The following HPRT1 variants were observed in gnomAD, a reference collection of about 807,000 sequenced individuals.
The protein encoded by HPRT1 is hypoxanthine-guanine phosphoribosyltransferase.
In HPRT1, 4 loss-of-function variants were observed where a neutral mutation model predicts 19.0. The observed-to-expected ratio is 0.21, with a 90% CI of 0.10 to 0.48. The LOEUF (loss-of-function observed/expected upper bound fraction) is 0.48, where lower values mean the gene tolerates loss of function less well. Ranked by LOEUF, HPRT1 falls within the 20% of genes least tolerant of loss-of-function variation. The pLI is 0.98. For synonymous variants in HPRT1, 53 were observed against 54.9 expected (o/e 0.97, Z 0.15); for missense variants, 65 against 164.0 (o/e 0.40, Z 3.30).
chrX:134,462,477 C>T (rs75613777), intron 1 of HPRT1, among the ~76,000 whole-genome samples: 4 of 111,444 alleles, frequency 3.6e-5, no homozygotes, highest in East Asian at 2.8e-4. Flanking sequence ...CCACTGCGCC[C>T]GGCCTAATAT....
At chrX:134,481,459 A>G (rs1249330118) in intron 3 of HPRT1, among the ~76,000 whole-genome samples, 1 of 110,331 alleles carries the variant, frequency 9.1e-6, no homozygotes, top group African/African-American at 3.3e-5. Context: ...ATCTGTCTCT[A>G]TTTCCATCTC....
chrX:134,468,411 G>C (rs1031505103), intron 1 of HPRT1, among the ~76,000 whole-genome samples: 1 of 106,890 alleles, frequency 9.4e-6, no homozygotes, highest in Non-Finnish European at 1.9e-5. Context: ...TCAGGAGATC[G>C]AGACCATCCT....
intron 3 of HPRT1, among the ~76,000 whole-genome samples, chrX:134,483,302 G>T (rs906146364): frequency 9.0e-6 from 1 of 111,562 alleles, no homozygotes; most frequent in Non-Finnish European, 1.9e-5. Context: ...ATACCATGCT[G>T]CAGTTCTTAT....
chrX:134,464,926 C>CT (rs1212014171), intron 1 of HPRT1, among the ~76,000 whole-genome samples: 6 of 103,086 alleles, frequency 5.8e-5, no homozygotes, highest in African/African-American at 7.0e-5. Flanking sequence ...CGAACATTGT[C>CT]TTTTTTTTTT....
At chrX:134,476,880 AC>A (rs2077626353) in intron 3 of HPRT1, among the ~76,000 whole-genome samples, 1 of 110,232 alleles carries the variant, frequency 9.1e-6, no homozygotes, top group Admixed American at 9.8e-5. Context: ...ATTAAGCTGA[AC>A]TCCTCAACTG....
intron 1 of HPRT1, 197 bp downstream of exon 1, chrX:134,460,535 G>A (rs1602734299): frequency 7.5e-6 from 2 of 265,516 alleles, no homozygotes; most frequent in Non-Finnish European, 1.3e-5. Flanking sequence ...CGGGGTTTGG[G>A]GTGGGTCCCT....
At chrX:134,494,803 G>A (rs1382889926) in intron 6 of HPRT1, among the ~76,000 whole-genome samples, 4 of 111,715 alleles carry the variant, frequency 3.6e-5, no homozygotes, top group Non-Finnish European at 7.5e-5. Context: ...GGTATATGCT[G>A]TGGAATTGAG....
At chrX:134,462,797 A>C (rs182058235) in intron 1 of HPRT1, among the ~76,000 whole-genome samples, 329 of 112,476 alleles carry the variant, frequency 2.9e-3, no homozygotes, top group African/African-American at 9.8e-3. Flanking sequence ...GCATGTTAGC[A>C]ATAACAAATG....
chrX:134,465,070 G>A (rs1221043257), intron 1 of HPRT1, among the ~76,000 whole-genome samples: 3 of 108,164 alleles, frequency 2.8e-5, no homozygotes, highest in South Asian at 4.0e-4. Context: ...ACAGGCGCCC[G>A]CCACCACGCC....
At chrX:134,484,067 G>C (rs2077646526) in intron 3 of HPRT1, among the ~76,000 whole-genome samples, 1 of 111,730 alleles carries the variant, frequency 9.0e-6, no homozygotes, top group Non-Finnish European at 1.9e-5. Context: ...TAGAACAGCA[G>C]TGTCTTACTG....
chrX:134,489,727 A>G (rs2077661802), intron 4 of HPRT1, among the ~76,000 whole-genome samples: 2 of 112,042 alleles, frequency 1.8e-5, no homozygotes, highest in Non-Finnish European at 3.8e-5. Flanking sequence ...CAGAAAATGC[A>G]GATCAAGTTT....
intron 4 of HPRT1, among the ~76,000 whole-genome samples, chrX:134,486,960 A>G (rs2077655534): frequency 9.0e-6 from 1 of 110,726 alleles, no homozygotes. Flanking sequence ...ATGGCTTAGT[A>G]CTTCCTAACT....
At chrX:134,466,201 C>T (rs1323295643) in intron 1 of HPRT1, among the ~76,000 whole-genome samples, 1 of 110,223 alleles carries the variant, frequency 9.1e-6, no homozygotes, top group Non-Finnish European at 1.9e-5. Flanking sequence ...GGGTGGATCA[C>T]GAGGTCAGGA....
intron 3 of HPRT1, among the ~76,000 whole-genome samples, chrX:134,485,976 G>A (rs1190291529): frequency 8.9e-6 from 1 of 111,878 alleles, no homozygotes; most frequent in Non-Finnish European, 1.9e-5. Flanking sequence ...TGAAGATGAC[G>A]GGGCCTGGGC....
chrX:134,500,203 T>G lies in HPRT1; in HGVS notation c.*126T>G. The G allele has an allele frequency of 1.8e-6, 1 of 547,752 alleles. No individual in the cohort carries two copies. Among genetic ancestry groups the G allele is most frequent in the Non-Finnish European group, 3.3e-6 (1 of 307,289 alleles). 45.1% of individuals were successfully genotyped at this position (547,752 alleles called of 1,213,427 possible). A position where few individuals can be genotyped will look rare whatever the true frequency, so the allele number is the denominator to read the frequency against. ...TTTTTGCATGTATCTTCTAAGAATT[T>G]TATCTGTTTTGTACTTTAGAAATGT... On this transcript the variant is annotated 3_prime_UTR_variant, in exon 9 of 9. Coordinates refer to ENST00000298556, the MANE Select transcript of HPRT1 (RefSeq NM_000194.3).
At position 134,466,287 on chromosome X, in the gene HPRT1, G is replaced by A. The variant is rs1018992645; in HGVS notation, c.27+5949G>A. 8.2e-5 allele frequency among the ~76,000 whole-genome samples: 9 copies of A among 109,463 alleles called. No individual in the cohort carries two copies. In the South Asian group the frequency reaches 1.2e-3, roughly 15 times the overall value. On this transcript the variant is annotated intron_variant, in intron 1 of 8. Coordinates refer to ENST00000298556, the MANE Select transcript of HPRT1 (RefSeq NM_000194.3). ...ACAAAAATTAGCTGGGTGTGGTAGC[G>A]GGCTCCTGTCATCCAAGCTACTCGG...
At chrX:134,466,409 C>T (rs2124285410) in intron 1 of HPRT1, among the ~76,000 whole-genome samples, 1 of 101,066 alleles carries the variant, frequency 9.9e-6, no homozygotes, top group South Asian at 4.8e-4. Flanking sequence ...CAGAGTGAGA[C>T]TCTGTCTCAA....
At chrX:134,477,805 C>T (rs1330085349) in intron 3 of HPRT1, among the ~76,000 whole-genome samples, 1 of 110,239 alleles carries the variant, frequency 9.1e-6, no homozygotes, top group African/African-American at 3.4e-5. Context: ...TCCCGAGTAG[C>T]TGGGACTAAC....
chrX:134,499,803 C>CA (rs17879788), intron 8 of HPRT1, among the ~76,000 whole-genome samples: 246 of 98,702 alleles, frequency 2.5e-3, no homozygotes, highest in African/African-American at 6.2e-3. Flanking sequence ...GACTCCGTCT[C>CA]AAAAAAAAAA....
Sources: allele counts gnomAD v4.1 joint callset (sites outside exome capture counted in the v4.1 genomes callset), GRCh38; gene constraint gnomAD v4.1.1; transcripts MANE v1.5; gene names NCBI Gene and HGNC (gene_info 2026-07-23, HGNC 2026-07-21).